BICD1: variants seen among roughly 807,000 people sequenced by gnomAD.
BICD1 encodes BICD cargo adaptor 1, also known as protein bicaudal D homolog 1.
BICD1 carries 35 observed loss-of-function variants against 92.5 expected under a neutral mutation model. The observed-to-expected ratio is 0.38, with a 90% confidence interval of 0.29 to 0.50. BICD1 has a LOEUF of 0.50. Ranked by LOEUF, BICD1 falls within the 20% of genes least tolerant of loss-of-function variation. BICD1 has a pLI of 0.93. For synonymous variants in BICD1, 429 were observed against 465.1 expected (o/e 0.92, Z 1.00); for missense variants, 950 against 1,189.8 (o/e 0.80, Z 2.97).
At chr12:32,293,857 T>C (rs1947788856) in intron 2 of BICD1, 137 bp from the exon 3 acceptor site, 3 of 806,374 alleles carry the variant, frequency 3.7e-6, no homozygotes, top group African/African-American at 1.8e-5. Flanking sequence ...TACCACTAAA[T>C]TGCCATTCGA....
At chr12:32,145,086 A>G (rs1343436594) in intron 1 of BICD1, among the ~76,000 whole-genome samples, 1 of 152,078 alleles carries the variant, frequency 6.6e-6, no homozygotes, top group African/African-American at 2.4e-5. Flanking sequence ...TTTAATCAGC[A>G]CCCCTGTGCA....
At chr12:32,129,524 C>CAAAA (rs756293470) in intron 1 of BICD1, among the ~76,000 whole-genome samples, 22 of 82,578 alleles carry the variant, frequency 2.7e-4, no homozygotes, top group Non-Finnish European at 3.6e-4. Context: ...GATTCCATCT[C>CAAAA]AAAAAAAAAA....
At chr12:32,361,720 T>A (rs988641835) in intron 8 of BICD1, among the ~76,000 whole-genome samples, 1 of 151,928 alleles carries the variant, frequency 6.6e-6, no homozygotes, top group African/African-American at 2.4e-5. Flanking sequence ...TACGATCTTG[T>A]GAAAAAGTAG....
chr12:32,245,617 G>GT (rs1204606393), intron 2 of BICD1, among the ~76,000 whole-genome samples: 2 of 152,094 alleles, frequency 1.3e-5, no homozygotes, highest in African/African-American at 4.8e-5. Context: ...CTCTGCCTGA[G>GT]TTTCTTCATC....
intron 3 of BICD1, among the ~76,000 whole-genome samples, chr12:32,303,400 C>T (rs1181709301): frequency 6.6e-6 from 1 of 152,160 alleles, no homozygotes; most frequent in African/African-American, 2.4e-5. Flanking sequence ...GTTTCGGTGA[C>T]CAGTGAGTGC....
At chr12:32,121,743 C>T (rs1483103789) in intron 1 of BICD1, among the ~76,000 whole-genome samples, 1 of 151,770 alleles carries the variant, frequency 6.6e-6, no homozygotes, top group Non-Finnish European at 1.5e-5. Flanking sequence ...CTCAAACAAA[C>T]AAACAAACAA....
intron 1 of BICD1, among the ~76,000 whole-genome samples, chr12:32,208,158 A>G (rs926438324): frequency 3.3e-5 from 5 of 152,218 alleles, no homozygotes; most frequent in African/African-American, 7.2e-5. Flanking sequence ...CATTTTACAC[A>G]TGAGGTAACT....
intron 1 of BICD1, among the ~76,000 whole-genome samples, chr12:32,183,156 C>T (rs1944326776): frequency 6.6e-6 from 1 of 151,848 alleles, no homozygotes; most frequent in East Asian, 1.9e-4. Flanking sequence ...CCTTCTCGGC[C>T]TCCCAAATCC....
chr12:32,139,251 G>A (rs1942826002), intron 1 of BICD1, among the ~76,000 whole-genome samples: 3 of 152,058 alleles, frequency 2.0e-5, no homozygotes, highest in African/African-American at 4.8e-5. Context: ...TCAGTGCATC[G>A]TCCCTGTGTA....
chr12:32,264,939 C>T (rs897376929), intron 2 of BICD1, among the ~76,000 whole-genome samples: 3 of 152,070 alleles, frequency 2.0e-5, no homozygotes, highest in East Asian at 1.9e-4. Context: ...TAGGCATGTG[C>T]GACCTTGTAC....
At chr12:32,114,615 T>A (rs1006715666) in intron 1 of BICD1, among the ~76,000 whole-genome samples, 5 of 152,162 alleles carry the variant, frequency 3.3e-5, no homozygotes, top group African/African-American at 1.2e-4. Flanking sequence ...ACTCTTGAGC[T>A]AAGGACAGTC....
At chr12:32,225,088 G>C (rs532441658) in intron 2 of BICD1, among the ~76,000 whole-genome samples, 1 of 152,318 alleles carries the variant, frequency 6.6e-6, no homozygotes, top group African/African-American at 2.4e-5. Flanking sequence ...CCCTTGGTCA[G>C]TGCTACTCTT....
At chr12:32,318,496 T>C (rs1948564457) in intron 4 of BICD1, among the ~76,000 whole-genome samples, 1 of 152,232 alleles carries the variant, frequency 6.6e-6, no homozygotes, top group Non-Finnish European at 1.5e-5. Context: ...AGTTCACTCA[T>C]GCTTTGGCTC....
chr12:32,336,556 C>T (rs1938134388), intron 6 of BICD1, among the ~76,000 whole-genome samples: 1 of 152,176 alleles, frequency 6.6e-6, no homozygotes, highest in Admixed American at 6.5e-5. Flanking sequence ...CCAACAGCTG[C>T]AATCTATACT....
At chr12:32,202,717 C>A (rs1057064470) in intron 1 of BICD1, among the ~76,000 whole-genome samples, 2 of 152,080 alleles carry the variant, frequency 1.3e-5, no homozygotes, top group African/African-American at 2.4e-5. Flanking sequence ...CTCAAGCAGT[C>A]CTCCCATCTC....
intron 1 of BICD1, among the ~76,000 whole-genome samples, chr12:32,147,226 C>T (rs1313179813): frequency 6.6e-6 from 1 of 152,046 alleles, no homozygotes; most frequent in Non-Finnish European, 1.5e-5. Flanking sequence ...GCCACTGTGC[C>T]CGGCTGTGGG....
intron 2 of BICD1, among the ~76,000 whole-genome samples, chr12:32,223,964 T>C (rs143558724): frequency 0.02 from 2,997 of 152,236 alleles, 65 homozygotes; most frequent in Non-Finnish European, 0.025. Flanking sequence ...TTCATGTCAA[T>C]ATAACAGATA....
chr12:32,346,745 C>T (rs979530212), intron 8 of BICD1, among the ~76,000 whole-genome samples: 2 of 145,174 alleles, frequency 1.4e-5, no homozygotes, highest in Non-Finnish European at 3.0e-5. Flanking sequence ...TATGCACTTA[C>T]AGCATATCTT....
chr12:32,140,930 G>T (rs748715136), intron 1 of BICD1, among the ~76,000 whole-genome samples: 93 of 152,060 alleles, frequency 6.1e-4, no homozygotes, highest in Non-Finnish European at 8.5e-4. Flanking sequence ...GGATTTTTTT[G>T]TTGTACTTGA....
Sources: gnomAD v4.1 joint callset for allele counts (sites outside exome capture counted in the v4.1 genomes callset) on GRCh38, gnomAD v4.1.1 for gene constraint, MANE v1.5 for transcripts, NCBI Gene and HGNC (gene_info 2026-07-23, HGNC 2026-07-21) for gene names.